The following RGS5 variants were observed in gnomAD, a reference collection of about 807,000 sequenced individuals.
The protein encoded by RGS5 is regulator of G protein signaling 5, also known as regulator of G-protein signalling 5.
Under a neutral mutation model 18.9 loss-of-function variants are expected in RGS5, and 20 were observed. That is an observed-to-expected ratio of 1.06 (90% CI 0.74 to 1.54). The LOEUF is 1.54. Ranked by LOEUF, RGS5 falls within the 40% of genes most tolerant of loss-of-function variation. RGS5 has a pLI of 0.00. For synonymous variants in RGS5, 57 were observed against 76.2 expected, an observed-to-expected ratio of 0.75 and a Z score of 1.31; for missense variants, 201 against 211.8, an observed-to-expected ratio of 0.95 and a Z score of 0.32.
intron 2 of RGS5, among the ~76,000 whole-genome samples, chr1:163,295,189 T>C (rs1350884861): frequency 6.6e-6 from 1 of 152,178 alleles, no homozygotes; most frequent in East Asian, 1.9e-4. Flanking sequence ...GGTATCTTTA[T>C]AGGAGCACCC....
upstream of RGS5, among the ~76,000 whole-genome samples, chr1:163,205,849 T>C (rs528100016): frequency 6.6e-6 from 1 of 152,212 alleles, no homozygotes; most frequent in Admixed American, 6.5e-5. Flanking sequence ...ATTTTAACTA[T>C]TATTAGCAAT....
chr1:163,252,862 T>C (rs1648147348), intron 2 of RGS5, among the ~76,000 whole-genome samples: 1 of 152,152 alleles, frequency 6.6e-6, no homozygotes, highest in African/African-American at 2.4e-5. Flanking sequence ...CCATTAATTG[T>C]TTGTGTAACT....
intron 2 of RGS5, among the ~76,000 whole-genome samples, chr1:163,303,799 C>A (rs1649626898): frequency 1.3e-5 from 2 of 152,154 alleles, no homozygotes; most frequent in Non-Finnish European, 2.9e-5. Flanking sequence ...ATCAGCTGCA[C>A]ATTTGATTCT....
At chr1:163,187,317 G>C (rs1001670017) in intron 1 of RGS5, among the ~76,000 whole-genome samples, 2 of 152,172 alleles carry the variant, frequency 1.3e-5, no homozygotes, top group Admixed American at 1.3e-4. Context: ...AATGAGAATG[G>C]CTATGGCCCC....
At chr1:163,240,541 A>T (rs962441374) in intron 2 of RGS5, among the ~76,000 whole-genome samples, 4 of 152,030 alleles carry the variant, frequency 2.6e-5, no homozygotes, top group African/African-American at 9.7e-5. Flanking sequence ...TAAGAGAGAG[A>T]TGGAGGGTTT....
At chr1:163,201,581 T>TA (rs1326356038) in intron 1 of RGS5, among the ~76,000 whole-genome samples, 1 of 151,946 alleles carries the variant, frequency 6.6e-6, no homozygotes, top group African/African-American at 2.4e-5. Flanking sequence ...TGGATCATAA[T>TA]AAAAAAAAGT....
At chr1:163,222,385 C>T (rs1183516109), upstream of RGS5, among the ~76,000 whole-genome samples, 1 of 152,060 alleles carries the variant, frequency 6.6e-6, no homozygotes, top group Non-Finnish European at 1.5e-5. Context: ...CCCAAACCAC[C>T]AACCCCCCAC....
intron 1 of RGS5, among the ~76,000 whole-genome samples, chr1:163,171,549 T>C (rs988797078): frequency 1.3e-5 from 2 of 152,228 alleles, no homozygotes; most frequent in African/African-American, 4.8e-5. Flanking sequence ...TGGTTTTAAC[T>C]TTATCCCCCC....
intron 1 of RGS5, chr1:163,212,023 A>G (rs891875802): frequency 4.6e-5 from 7 of 152,246 alleles, no homozygotes; most frequent in Non-Finnish European, 1.0e-4. Context: ...TTCTGAGCCA[A>G]AATGTCTTCG....
intron 1 of RGS5, among the ~76,000 whole-genome samples, chr1:163,180,686 G>GGTTTTTTTTTTTTTT (rs1658782132): frequency 1.6e-5 from 1 of 61,964 alleles, no homozygotes; most frequent in Non-Finnish European, 3.0e-5. Context: ...CCCTTACCCT[G>GGTTTTTTTTTTTTTT]TTTTTTTTTT....
chr1:163,188,723 G>T (rs1659202566), intron 1 of RGS5, among the ~76,000 whole-genome samples: 1 of 152,090 alleles, frequency 6.6e-6, no homozygotes, highest in Admixed American at 6.5e-5. Flanking sequence ...ACTTTGGGAG[G>T]CCGAGCCAGG....
chr1:163,289,509 C>T (rs918781935), intron 2 of RGS5, among the ~76,000 whole-genome samples: 1 of 151,958 alleles, frequency 6.6e-6, no homozygotes, highest in Non-Finnish European at 1.5e-5. Context: ...TATCTTTGTT[C>T]CCTGAATTTC....
intron 2 of RGS5, among the ~76,000 whole-genome samples, chr1:163,300,185 T>C (rs905420274): frequency 2.6e-5 from 4 of 152,236 alleles, no homozygotes; most frequent in Non-Finnish European, 5.9e-5. Flanking sequence ...GTGAATCCCA[T>C]GATGGTCTAA....
At chr1:163,241,684 G>C (rs1647796515) in intron 2 of RGS5, among the ~76,000 whole-genome samples, 1 of 152,136 alleles carries the variant, frequency 6.6e-6, no homozygotes, top group South Asian at 2.1e-4. Flanking sequence ...GAAATGATCA[G>C]GCTGACCAGA....
chr1:163,275,724 C>T (rs1648835776), intron 2 of RGS5, among the ~76,000 whole-genome samples: 1 of 152,090 alleles, frequency 6.6e-6, no homozygotes, highest in Admixed American at 6.5e-5. Context: ...AATCTCCCTA[C>T]ATCATGGCAG....
chr1:163,243,146 A>T (rs953062644), intron 2 of RGS5, among the ~76,000 whole-genome samples: 2 of 152,168 alleles, frequency 1.3e-5, no homozygotes, highest in African/African-American at 4.8e-5. Context: ...TTGCAGGGAC[A>T]TGGATGAAGC....
chr1:163,245,813 A>G (rs1337566114), intron 2 of RGS5, among the ~76,000 whole-genome samples: 1 of 152,244 alleles, frequency 6.6e-6, no homozygotes, highest in South Asian at 2.1e-4. Flanking sequence ...TAGTAGCTTA[A>G]AAATAAACTC....
intron 1 of RGS5, among the ~76,000 whole-genome samples, chr1:163,201,397 G>T (rs1659766669): frequency 6.6e-6 from 1 of 151,980 alleles, no homozygotes; most frequent in African/African-American, 2.4e-5. Context: ...CTCTTCCCCA[G>T]GGTTGGTACA....
At chr1:163,243,423 GGATCACGA>G (rs1160176458) in intron 2 of RGS5, among the ~76,000 whole-genome samples, 1 of 152,012 alleles carries the variant, frequency 6.6e-6, no homozygotes, top group Non-Finnish European at 1.5e-5. Flanking sequence ...CGAGCGGGGT[GGATCACGA>G]GATCAGGAGA....
Sources: gnomAD v4.1 joint callset for allele counts (sites outside exome capture counted in the v4.1 genomes callset) on GRCh38, gnomAD v4.1.1 for gene constraint, MANE v1.5 for transcripts, NCBI Gene and HGNC (gene_info 2026-07-23, HGNC 2026-07-21) for gene names.